The following PHACTR2 variants were observed in gnomAD, a reference collection of about 807,000 sequenced individuals.
PHACTR2 encodes phosphatase and actin regulator 2.
A neutral mutation model predicts 76.0 loss-of-function variants in PHACTR2; 30 were observed. The ratio of observed to expected loss-of-function variants is 0.39; its 90% CI spans 0.30 to 0.54. The LOEUF (loss-of-function observed/expected upper bound fraction) is 0.54. Among genes scored for constraint, PHACTR2 ranks in the 20% least tolerant of loss-of-function variants. PHACTR2 has a pLI of 0.61. For synonymous variants in PHACTR2, 292 were observed against 292.5 expected, an observed-to-expected ratio of 1.00 and a Z score of 0.02; for missense variants, 696 against 781.1, an observed-to-expected ratio of 0.89 and a Z score of 1.30.
At chr6:143,681,028 T>A (rs1156460244) in intron 1 of PHACTR2, among the ~76,000 whole-genome samples, 1 of 152,238 alleles carries the variant, frequency 6.6e-6, no homozygotes, top group African/African-American at 2.4e-5. Flanking sequence ...TTTGGGTTAT[T>A]TCTGCTTTGG....
intron 10 of PHACTR2, among the ~76,000 whole-genome samples, chr6:143,786,076 T>G (rs1268807844): frequency 6.6e-6 from 1 of 152,244 alleles, no homozygotes; most frequent in Non-Finnish European, 1.5e-5. Flanking sequence ...TGGGTTCTTT[T>G]CTGCTGCATC....
At chr6:143,786,360 C>G (rs752123964) in intron 10 of PHACTR2, among the ~76,000 whole-genome samples, 1 of 152,206 alleles carries the variant, frequency 6.6e-6, no homozygotes, top group Admixed American at 6.5e-5. Flanking sequence ...CAGCCTGGAC[C>G]TTATTGTCCA....
At position 143,722,994 on chromosome 6, in the gene PHACTR2, A is replaced by G. The variant is rs1044562732; in HGVS notation, c.214+10811A>G. Among the ~76,000 whole-genome samples the G allele has an allele frequency of 6.6e-6, 1 of 152,156 alleles. No individual in the cohort carries two copies. Among genetic ancestry groups the G allele is most frequent in the African/African-American group, 2.4e-5 (1 of 41,422 alleles). ...ATGGTGGAATAATATTCCATTGTGT[A>G]TATGTACTACATTTTCTTTACCCAT... On this transcript the variant is annotated intron_variant, in intron 2 of 12. Coordinates refer to ENST00000440869, the MANE Select transcript of PHACTR2 (RefSeq NM_001100164.2). The surrounding 1 kb of genome is among the most constrained non-coding windows in gnomAD (Gnocchi z 4.1).
At position 143,764,205 on chromosome 6, in the gene PHACTR2, A is replaced by G. The variant is rs1308721319; in HGVS notation, c.695-1056A>G. Among the ~76,000 whole-genome samples the G allele has an allele frequency of 1.3e-5, 2 of 152,136 alleles. No homozygotes were observed. Among genetic ancestry groups the G allele is most frequent in the African/African-American group, 2.4e-5 (1 of 41,422 alleles). ...AAGACCTGAGAATGATATCCTTTCC[A>G]TTCACATTATTTAGAACCAGACACG... On this transcript the variant is annotated intron_variant, in intron 5 of 12. Coordinates refer to ENST00000440869, the MANE Select transcript of PHACTR2 (RefSeq NM_001100164.2). This position sits in a 1 kb window ranked among gnomAD's most constrained non-coding sequence, Gnocchi z 4.7.
chr6:143,704,897 C>G (rs138399808), intron 1 of PHACTR2, among the ~76,000 whole-genome samples: 4,512 of 145,258 alleles, frequency 0.031, 220 homozygotes, highest in African/African-American at 0.11. Flanking sequence ...GGCGCGATCT[C>G]GGCTCACTGC....
At chr6:143,723,635 T>C (rs1339200744) in intron 2 of PHACTR2, among the ~76,000 whole-genome samples, 1 of 152,182 alleles carries the variant, frequency 6.6e-6, no homozygotes, top group Non-Finnish European at 1.5e-5. Flanking sequence ...AAGCTGCTAT[T>C]CCAGGGAAGA....
In PHACTR2 at chr6:143,777,615, T is replaced by C. The variant is rs921472321; in HGVS notation, c.1645+232T>C. On this transcript the variant is annotated intron_variant, in intron 9 of 12. Coordinates refer to ENST00000440869, the MANE Select transcript of PHACTR2 (RefSeq NM_001100164.2). This position sits in a 1 kb window ranked among gnomAD's most constrained non-coding sequence, Gnocchi z 4.6. ...TATACCCGCCCCTAGAGCAGAGTCA[T>C]GGTCATGACAATTGTGTTTAAGAAA... Among the ~76,000 whole-genome samples the C allele has an allele frequency of 9.9e-5, 15 of 152,186 alleles. No homozygotes were observed. Among genetic ancestry groups the C allele is most frequent in the African/African-American group, 3.4e-4 (14 of 41,452 alleles).
rs116571462 is a variant in PHACTR2, at chr6:143,723,525, G to T, written c.214+11342G>T. ...TCAGTGACCACTTTTGACTTTTCCT[G>T]CTGGGTCTCATGAATCCTCCTTGTC... On this transcript the variant is annotated intron_variant, in intron 2 of 12. Transcript: ENST00000440869. 6.9e-3 allele frequency among the ~76,000 whole-genome samples: 1,056 copies of T among 152,264 alleles called. 14 individuals carry two copies. Among genetic ancestry groups the T allele is most frequent in the African/African-American group, 0.024 (991 of 41,526 alleles).
At chr6:143,655,157 CAAAAAAAA>C (rs151076366) in intron 1 of PHACTR2, among the ~76,000 whole-genome samples, 4 of 99,104 alleles carry the variant, frequency 4.0e-5, no homozygotes, top group African/African-American at 8.0e-5. Flanking sequence ...AACTCCGTCT[CAAAAAAAA>C]AAAAAAAAAG....
At chr6:143,657,044 G>A (rs1263441759) in intron 1 of PHACTR2, among the ~76,000 whole-genome samples, 1 of 151,136 alleles carries the variant, frequency 6.6e-6, no homozygotes, top group Non-Finnish European at 1.5e-5. Flanking sequence ...GAGAACACAT[G>A]GATGCAGGGA....
rs1240478681 is a variant in PHACTR2, at chr6:143,757,355, G to T, written c.455-3046G>T. On this transcript the variant is annotated intron_variant, in intron 4 of 12. Transcript: ENST00000440869. This position sits in a 1 kb window ranked among gnomAD's most constrained non-coding sequence, Gnocchi z 4.2. Reference sequence around the variant, plus strand: ...GGCCTGAGCACAGCAACCCAAGGGAGCTCACAGTGAGGGCCAACATTGGTT... The same window carrying T: ...GGCCTGAGCACAGCAACCCAAGGGATCTCACAGTGAGGGCCAACATTGGTT... 6.6e-6 allele frequency among the ~76,000 whole-genome samples: 1 copy of T among 152,208 alleles called. No homozygotes were observed. Among genetic ancestry groups the T allele is most frequent in the Non-Finnish European group, 1.5e-5 (1 of 68,044 alleles).
rs1468596524 is a variant in PHACTR2 at position 143,791,969 on chromosome 6, C to T, written c.1845+3059C>T. ...TGCCTATCCCCTTACTTACTAAGCACCAGCTTGCAATTTTTTGTTTGTCCT... is the reference window on the plus strand; with the variant it reads ...TGCCTATCCCCTTACTTACTAAGCATCAGCTTGCAATTTTTTGTTTGTCCT... On this transcript the variant is annotated intron_variant, in intron 11 of 12. Transcript: ENST00000440869. This position sits in a 1 kb window ranked among gnomAD's most constrained non-coding sequence, Gnocchi z 4.7. 6.6e-6 allele frequency among the ~76,000 whole-genome samples: 1 copy of T among 152,168 alleles called. No homozygotes were observed. The highest frequency in any genetic ancestry group is 1.5e-5 in the Non-Finnish European group (1 of 68,044).
At chr6:143,804,169 G>A (rs1398558593) in intron 11 of PHACTR2, among the ~76,000 whole-genome samples, 1 of 152,204 alleles carries the variant, frequency 6.6e-6, no homozygotes, top group Non-Finnish European at 1.5e-5. Context: ...TGTGGCATCA[G>A]GTGAGATGCT....
upstream of PHACTR2, among the ~76,000 whole-genome samples, chr6:143,676,073 A>G (rs1284240310): frequency 6.6e-6 from 1 of 152,228 alleles, no homozygotes; most frequent in Non-Finnish European, 1.5e-5. This position sits in a 1 kb window ranked among gnomAD's most constrained non-coding sequence, Gnocchi z 4.8. Flanking sequence ...ACTCTTAGAA[A>G]GAAAACTTAG....
chr6:143,644,366 G>T (rs1341166790), intron 1 of PHACTR2, among the ~76,000 whole-genome samples: 1 of 151,530 alleles, frequency 6.6e-6, no homozygotes, highest in African/African-American at 2.4e-5. Context: ...TACTCAGGAG[G>T]CTGAGGCAGG....
chr6:143,731,817 G>A lies in PHACTR2; in HGVS notation c.215-17168G>A, dbSNP rs774828660. 6.6e-6 allele frequency among the ~76,000 whole-genome samples: 1 copy of A among 152,066 alleles called. No individual in the cohort carries two copies. Among genetic ancestry groups the A allele is most frequent in the Non-Finnish European group, 1.5e-5 (1 of 67,998 alleles). ...TTGTTATTTTCTTCTTGAAATGTTTGGTAGAATAAACAGTAAAGCATTATG... is the reference window on the plus strand; with the variant it reads ...TTGTTATTTTCTTCTTGAAATGTTTAGTAGAATAAACAGTAAAGCATTATG... On this transcript the variant is annotated intron_variant, in intron 2 of 12. Transcript: ENST00000440869. The surrounding 1 kb of genome is among the most constrained non-coding windows in gnomAD (Gnocchi z 4.9).
rs1316352698 is a variant in PHACTR2 at position 143,653,716 on chromosome 6, C to T, written c.13+45394C>T. Among the ~76,000 whole-genome samples, 1 of 151,586 alleles carries T rather than the reference C, an allele frequency of 6.6e-6. No individual in the cohort carries two copies. Among genetic ancestry groups the T allele is most frequent in the Non-Finnish European group, 1.5e-5 (1 of 67,928 alleles). On this transcript the variant is annotated intron_variant, in intron 1 of 11. Coordinates refer to the PHACTR2 transcript ENST00000305766. This position sits in a 1 kb window ranked among gnomAD's most constrained non-coding sequence, Gnocchi z 4.9. ...ACCTTACATCATATTAAAAAATTAA[C>T]TCAAGATTGATCAAAGACCTAGATG...
At chr6:143,574,883 A>G (rs549239074) in intron 1 of PHACTR2, among the ~76,000 whole-genome samples, 1 of 152,304 alleles carries the variant, frequency 6.6e-6, no homozygotes, top group South Asian at 2.1e-4. Flanking sequence ...AGCAACAACA[A>G]CAACAACCTC....
rs1048566998 is a variant in PHACTR2, at chr6:143,549,473, G to T, written c.217+12266G>T. 2.0e-5 allele frequency among the ~76,000 whole-genome samples: 3 copies of T among 152,088 alleles called. No individual in the cohort carries two copies. Among genetic ancestry groups the T allele is most frequent in the East Asian group, 1.9e-4 (1 of 5,168 alleles). On this transcript the variant is annotated intron_variant, in intron 1 of 11. Transcript: ENST00000367584. This position sits in a 1 kb window ranked among gnomAD's most constrained non-coding sequence, Gnocchi z 4.2. ...TTATTGTTTTTTTATGGGGGTGACT[G>T]CTCCTTAGGCAGCTGACACATTCTC...
Sources: allele counts gnomAD v4.1 joint callset (sites outside exome capture counted in the v4.1 genomes callset), GRCh38; gene constraint gnomAD v4.1.1; non-coding constraint Gnocchi (gnomAD v3.1); transcripts MANE v1.5; gene names NCBI Gene and HGNC (gene_info 2026-07-23, HGNC 2026-07-21).